FRAS1: variants seen among roughly 807,000 people sequenced by gnomAD.
The protein encoded by FRAS1 is Fraser extracellular matrix complex subunit 1.
A neutral mutation model predicts 435.2 loss-of-function variants in FRAS1; 290 were observed. The observed-to-expected ratio is 0.67, with a 90% CI of 0.61 to 0.73. The LOEUF is 0.73. Among genes scored for constraint, FRAS1 ranks in the 30% least tolerant of loss-of-function variants. FRAS1 has a pLI of 0.00. For synonymous variants in FRAS1, 1,800 were observed against 1,851.0 expected (o/e 0.97, Z 0.71); for missense variants, 4,860 against 5,001.5 (o/e 0.97, Z 0.85).
At chr4:78,213,790 T>G (rs2110087703) in intron 2 of FRAS1, among the ~76,000 whole-genome samples, 1 of 152,330 alleles carries the variant, frequency 6.6e-6, no homozygotes, top group African/African-American at 2.4e-5. Context: ...AGCGCTCTTC[T>G]TGGGCAGGAA....
At chr4:78,222,915 G>A (rs985566717) in intron 2 of FRAS1, among the ~76,000 whole-genome samples, 6 of 152,170 alleles carry the variant, frequency 3.9e-5, no homozygotes, top group African/African-American at 7.2e-5. Flanking sequence ...GGCAGGGAGT[G>A]GGTGATGCTG....
intron 22 of FRAS1, among the ~76,000 whole-genome samples, chr4:78,369,630 T>G (rs1731418890): frequency 6.6e-6 from 1 of 152,222 alleles, no homozygotes; most frequent in Non-Finnish European, 1.5e-5. Flanking sequence ...GCACTTTATA[T>G]TCTTTGTAAA....
At chr4:78,385,751 G>A (rs892687421) in intron 28 of FRAS1, among the ~76,000 whole-genome samples, 7 of 152,182 alleles carry the variant, frequency 4.6e-5, no homozygotes, top group East Asian at 3.9e-4. Flanking sequence ...CGGGCATGGT[G>A]GTGGACACCT....
intron 33 of FRAS1, among the ~76,000 whole-genome samples, chr4:78,420,162 C>G (rs1733715584): frequency 6.6e-6 from 1 of 152,184 alleles, no homozygotes; most frequent in Middle Eastern, 3.2e-3. Flanking sequence ...CAAGACTAAC[C>G]ACTGCCCCAA....
At chr4:78,188,428 T>C (rs1722379732) in intron 2 of FRAS1, among the ~76,000 whole-genome samples, 1 of 152,190 alleles carries the variant, frequency 6.6e-6, no homozygotes, top group Non-Finnish European at 1.5e-5. Flanking sequence ...TTTCAGGGAA[T>C]TGGCTCATCT....
chr4:78,091,731 C>A (rs1461469215), intron 2 of FRAS1, among the ~76,000 whole-genome samples: 1 of 151,768 alleles, frequency 6.6e-6, no homozygotes, highest in Non-Finnish European at 1.5e-5. Context: ...GGTCATAGTG[C>A]CCTACAGCCC....
intron 2 of FRAS1, among the ~76,000 whole-genome samples, chr4:78,130,777 G>A (rs1263244970): frequency 1.3e-5 from 2 of 152,098 alleles, no homozygotes; most frequent in Admixed American, 6.5e-5. Flanking sequence ...AGAGTTGAAA[G>A]GTAAAAAGCA....
In FRAS1 at chr4:78,470,568, G is replaced by C. The variant is rs6844021; in HGVS notation, c.7371+477G>C. 9.4e-3 allele frequency among the ~76,000 whole-genome samples: 1,433 copies of C among 151,888 alleles called. 22 individuals carry two copies. The highest frequency in any genetic ancestry group is 0.032 in the African/African-American group (1,346 of 41,428). On this transcript the variant is annotated intron_variant, in intron 51 of 73. Transcript: ENST00000512123. ...ATTCTAACAACTGTGGCTCAAAAAT[G>C]TTTGAAGGAAAAAAAATAAGAAATA...
At chr4:78,380,495 T>C (rs1398747042) in intron 27 of FRAS1, among the ~76,000 whole-genome samples, 1 of 152,210 alleles carries the variant, frequency 6.6e-6, no homozygotes, top group Non-Finnish European at 1.5e-5. Context: ...CTGATCCAGT[T>C]TTCCCCTGAT....
intron 2 of FRAS1, chr4:78,180,940 C>CA: frequency 1.9e-6 from 3 of 1,610,248 alleles, no homozygotes; most frequent in Non-Finnish European, 2.5e-6. Flanking sequence ...GTCCTGCTGC[C>CA]ACGGTTTGGG....
chr4:78,252,436 C>A lies in FRAS1; in HGVS notation c.354C>A (p.Cys118Ter). 6.2e-7 allele frequency: 1 copy of A among 1,613,600 alleles called. No homozygotes were observed. Among genetic ancestry groups the A allele is most frequent in the Non-Finnish European group, 8.5e-7 (1 of 1,179,778 alleles). The change falls in exon 5 of 74, where the codon TGC becomes TGA. Residue 118 changes from cysteine (C) to a stop codon, truncating the protein, a stop_gained. Coordinates refer to ENST00000512123, the MANE Select transcript of FRAS1 (RefSeq NM_025074.7). LOFTEE classifies it high-confidence loss of function. Reference protein sequence around the residue: ...WASSPCSVCSCNHGEVRCTPQ... With the variant: ...WASSPCSVCS Reference sequence around the variant, plus strand: ...CTTCTCCATGTAGTGTGTGCTCTTGCAATCATGGGGAAGTCCGATGTACCC... The same window carrying A: ...CTTCTCCATGTAGTGTGTGCTCTTGAAATCATGGGGAAGTCCGATGTACCC...
chr4:78,204,251 A>G (rs537969742), intron 2 of FRAS1, among the ~76,000 whole-genome samples: 1 of 152,342 alleles, frequency 6.6e-6, no homozygotes, highest in East Asian at 1.9e-4. Context: ...TTCAATATTT[A>G]TTAATTCAGT....
intron 2 of FRAS1, among the ~76,000 whole-genome samples, chr4:78,195,841 T>A (rs1470402378): frequency 6.6e-6 from 1 of 152,056 alleles, no homozygotes; most frequent in Non-Finnish European, 1.5e-5. Flanking sequence ...TGGAAATGCA[T>A]AAATCACCCA....
chr4:78,524,425 T>A (rs909502817), intron 69 of FRAS1, among the ~76,000 whole-genome samples: 4 of 151,524 alleles, frequency 2.6e-5, no homozygotes, highest in Non-Finnish European at 5.9e-5. Context: ...GGCTGGGGAG[T>A]TGTATAAGGA....
chr4:78,450,856 C>T (rs980582990), intron 45 of FRAS1, among the ~76,000 whole-genome samples: 4 of 152,030 alleles, frequency 2.6e-5, no homozygotes, highest in South Asian at 2.1e-4. Flanking sequence ...TTAAATGCTA[C>T]GTAGTTACTG....
intron 9 of FRAS1, among the ~76,000 whole-genome samples, chr4:78,273,524 G>A (rs1578220358): frequency 6.6e-6 from 1 of 152,148 alleles, no homozygotes; most frequent in Admixed American, 6.6e-5. Flanking sequence ...TTAGCATGAA[G>A]GGCTGTTGAA....
At chr4:78,067,701 TATTATTATTATTTG>T (rs2109852406) in intron 2 of FRAS1, among the ~76,000 whole-genome samples, 1 of 140,084 alleles carries the variant, frequency 7.1e-6, no homozygotes, top group South Asian at 2.3e-4. Flanking sequence ...TTATTATTAT[TATTATTATTATTTG>T]TAAGATAGGG....
rs772264041 is a variant in FRAS1 at position 78,267,258 on chromosome 4, G to C, written c.807G>C (p.Arg269=). 6.2e-7 allele frequency: 1 copy of C among 1,613,716 alleles called. No individual in the cohort carries two copies. The highest frequency in any genetic ancestry group is 8.5e-7 in the Non-Finnish European group (1 of 1,179,796). The change falls in exon 9 of 74, where the codon CGG becomes CGC. Residue 269 remains arginine, a synonymous_variant. Coordinates refer to ENST00000512123, the MANE Select transcript of FRAS1 (RefSeq NM_025074.7). ...LRCGKGQSRA[R]RHGQCCEECV... ...TGTCCTAGGGTCAGAGCAGGGCTCG[G>C]CGTCATGGGCAATGCTGTGAGGAAT...
At chr4:78,403,647 T>C (rs551307757) in intron 30 of FRAS1, among the ~76,000 whole-genome samples, 15 of 152,320 alleles carry the variant, frequency 9.8e-5, no homozygotes, top group African/African-American at 3.4e-4. Flanking sequence ...TTGTATAGTA[T>C]GTGCATGAAG....
Sources: allele counts gnomAD v4.1 joint callset (sites outside exome capture counted in the v4.1 genomes callset), GRCh38; gene constraint gnomAD v4.1.1; transcripts MANE v1.5; gene names NCBI Gene and HGNC (gene_info 2026-07-23, HGNC 2026-07-21).